Variants in ADAMTS17 observed in about 807,000 individuals in gnomAD.
ADAMTS17 encodes the protein A disintegrin and metalloproteinase with thrombospondin motifs 17.
In ADAMTS17, 113 loss-of-function variants were observed where a neutral mutation model predicts 141.5. The observed-to-expected ratio is 0.80, with a 90% CI of 0.69 to 0.93. ADAMTS17 has a LOEUF of 0.93. ADAMTS17 is among the 40% of genes least tolerant of loss of function. ADAMTS17 has a pLI of 0.00. For synonymous variants in ADAMTS17, 768 were observed against 630.6 expected, an observed-to-expected ratio of 1.22 and a Z score of -3.27; for missense variants, 1,659 against 1,517.9, an observed-to-expected ratio of 1.09 and a Z score of -1.54.
chr15:100,199,527 C>T (rs1038179926), intron 7 of ADAMTS17, 104 bp from the exon 8 acceptor site: 18 of 936,372 alleles, frequency 1.9e-5, no homozygotes, highest in South Asian at 3.9e-5. Flanking sequence ...GGCAGGCACA[C>T]GGCAACAATG....
intron 7 of ADAMTS17, among the ~76,000 whole-genome samples, chr15:100,223,984 G>C (rs2042223073): frequency 6.6e-6 from 1 of 152,140 alleles, no homozygotes; most frequent in African/African-American, 2.4e-5. Context: ...CAGCATGGGA[G>C]AAAGACGTAG....
At chr15:100,050,191 G>A (rs2032031454) in intron 17 of ADAMTS17, among the ~76,000 whole-genome samples, 1 of 152,156 alleles carries the variant, frequency 6.6e-6, no homozygotes, top group South Asian at 2.1e-4. Context: ...TCTGACCACT[G>A]TGTTAGGAAG....
chr15:100,148,174 G>A (rs1470798980), intron 10 of ADAMTS17, among the ~76,000 whole-genome samples: 2 of 152,200 alleles, frequency 1.3e-5, no homozygotes, highest in Non-Finnish European at 2.9e-5. Flanking sequence ...ACCATATAAA[G>A]TAACATTCAT....
rs1353706483 is a variant in ADAMTS17, at chr15:100,132,040, G to T, written c.1688C>A (p.Ala563Asp). The change falls in exon 12 of 22, where the codon GCC becomes GAC. Residue 563 changes from alanine (A) to aspartate (D), a missense_variant. Ala to Asp is a moderately radical substitution (Grantham distance 126, BLOSUM62 -2). Transcript: ENST00000268070. ...SMCSRTCGTG[A>D]RFRQRKCDNP... ...GTCACATTTCCTCTGCCTGAAGCGG[G>T]CTCCCGTCCCACATGTTCGGCTGCA... 1 of 1,613,926 alleles carries T rather than the reference G, an allele frequency of 6.2e-7. No individual in the cohort carries two copies. Among genetic ancestry groups the T allele is most frequent in the Non-Finnish European group, 8.5e-7 (1 of 1,179,816 alleles).
intron 12 of ADAMTS17, among the ~76,000 whole-genome samples, chr15:100,125,478 T>A (rs1204586022): frequency 1.3e-5 from 2 of 152,146 alleles, no homozygotes; most frequent in African/African-American, 2.4e-5. Flanking sequence ...CTGGTGCATG[T>A]GGGCGGCACC....
At chr15:100,334,717 C>T (rs1051650074) in intron 2 of ADAMTS17, among the ~76,000 whole-genome samples, 1 of 152,212 alleles carries the variant, frequency 6.6e-6, no homozygotes, top group Non-Finnish European at 1.5e-5. Context: ...CTCCCCCGGT[C>T]CCGCCGCCTC....
At chr15:100,109,167 C>T (rs764723393) in intron 13 of ADAMTS17, 51 bp from the exon 14 acceptor site, 3 of 1,564,190 alleles carry the variant, frequency 1.9e-6, no homozygotes, top group Non-Finnish European at 2.6e-6. Context: ...GTGCGTGGGC[C>T]ATGCAGGGCA....
intron 7 of ADAMTS17, among the ~76,000 whole-genome samples, chr15:100,231,425 AG>A (rs2042477381): frequency 6.6e-6 from 1 of 152,170 alleles, no homozygotes; most frequent in South Asian, 2.1e-4. Flanking sequence ...TGGAATCCAC[AG>A]GGGATAACTG....
intron 19 of ADAMTS17, among the ~76,000 whole-genome samples, chr15:99,994,252 A>G (rs1233761097): frequency 1.3e-5 from 2 of 151,930 alleles, no homozygotes; most frequent in African/African-American, 4.9e-5. Flanking sequence ...AGGCGGTTTC[A>G]TACTTGCTCA....
rs1419768263 is a variant in ADAMTS17, at chr15:100,096,220, G to C, written c.2137+136C>G. The C allele has an allele frequency of 1.5e-5, 22 of 1,450,788 alleles. No homozygotes were observed. The East Asian group carries it at 4.6e-4, about 30-fold the overall frequency. The allele number at this position is 1,450,788 out of a possible 1,614,324, so 89.9% of individuals were successfully genotyped here. On this transcript the variant is annotated intron_variant, in intron 15 of 21. Coordinates refer to ENST00000268070, the MANE Select transcript of ADAMTS17 (RefSeq NM_139057.4). Reference sequence around the variant, plus strand: ...ATGTCCTTTCTTGCTTTTCAGAAATGAAACTGAAGTTCCAGGTCACCTATC... The same window carrying C: ...ATGTCCTTTCTTGCTTTTCAGAAATCAAACTGAAGTTCCAGGTCACCTATC...
chr15:100,263,439 A>G lies in ADAMTS17; in HGVS notation c.790-1004T>C, dbSNP rs144896419. Among the ~76,000 whole-genome samples, 148 of 152,340 alleles carry G rather than the reference A, an allele frequency of 9.7e-4. 2 individuals carry two copies. Among genetic ancestry groups the G allele is most frequent in the African/African-American group, 3.1e-3 (130 of 41,590 alleles). On this transcript the variant is annotated intron_variant, in intron 4 of 21. Transcript: ENST00000268070. The stretch of plus-strand genomic sequence containing the variant: ...AAGTTTGTCACTGAAATAAATTGCA[A>G]TAACAGAAAAGGACCTATCTTTCTC...
At chr15:100,324,746 A>G (rs1383131114) in intron 3 of ADAMTS17, among the ~76,000 whole-genome samples, 3 of 152,242 alleles carry the variant, frequency 2.0e-5, no homozygotes, top group African/African-American at 7.2e-5. Context: ...GAAAAAGGGC[A>G]TTGAAGTGGT....
At chr15:100,167,915 G>A (rs565224405) in intron 8 of ADAMTS17, among the ~76,000 whole-genome samples, 4 of 152,322 alleles carry the variant, frequency 2.6e-5, no homozygotes, top group Middle Eastern at 3.4e-3. Flanking sequence ...CACAGGGCCC[G>A]AGCTGCTCTC....
intron 15 of ADAMTS17, 23 bp downstream of exon 15, chr15:100,096,333 C>T: frequency 6.2e-7 from 1 of 1,612,382 alleles, no homozygotes. Flanking sequence ...GTAGCCACAG[C>T]AGCCCCATGG....
chr15:99,995,829 T>C (rs1387687073), intron 19 of ADAMTS17, among the ~76,000 whole-genome samples: 1 of 152,218 alleles, frequency 6.6e-6, no homozygotes, highest in Non-Finnish European at 1.5e-5. Flanking sequence ...AGGAAGCATT[T>C]TGCTCAAGCC....
intron 8 of ADAMTS17, among the ~76,000 whole-genome samples, chr15:100,192,213 C>A (rs532718237): frequency 6.6e-6 from 1 of 152,174 alleles, no homozygotes; most frequent in African/African-American, 2.4e-5. Flanking sequence ...CTGAGGGAAA[C>A]GTGAGAACCC....
chr15:99,975,415 G>C (rs185415211), intron 21 of ADAMTS17, among the ~76,000 whole-genome samples: 2 of 152,202 alleles, frequency 1.3e-5, no homozygotes, highest in East Asian at 3.9e-4. Flanking sequence ...TCACCATGTT[G>C]GTCAGGCTGG....
intron 6 of ADAMTS17, among the ~76,000 whole-genome samples, chr15:100,258,848 G>C (rs1313391487): frequency 6.6e-6 from 1 of 152,180 alleles, no homozygotes; most frequent in Non-Finnish European, 1.5e-5. Flanking sequence ...CTAACTCATA[G>C]CATCTTTGCA....
At chr15:100,148,521 CTT>C (rs58967475) in intron 10 of ADAMTS17, among the ~76,000 whole-genome samples, 6 of 144,852 alleles carry the variant, frequency 4.1e-5, no homozygotes, top group African/African-American at 1.3e-4. Context: ...GGCTGACAGC[CTT>C]TTTTTTTTTA....
Sources: allele counts gnomAD v4.1 joint callset (sites outside exome capture counted in the v4.1 genomes callset), GRCh38; gene constraint gnomAD v4.1.1; transcripts MANE v1.5; gene names NCBI Gene and HGNC (gene_info 2026-07-23, HGNC 2026-07-21).